CDH12: variants seen among roughly 807,000 people sequenced by gnomAD.
The protein encoded by CDH12 is cadherin-12.
In CDH12, 41 loss-of-function variants were observed where a neutral mutation model predicts 74.1. The ratio of observed to expected loss-of-function variants is 0.55; its 90% CI spans 0.43 to 0.72. The LOEUF (loss-of-function observed/expected upper bound fraction) is 0.72, where lower values mean the gene tolerates loss of function less well. Ranked by LOEUF, CDH12 falls within the 30% of genes least tolerant of loss-of-function variation. The pLI, the probability that CDH12 is intolerant of heterozygous loss-of-function variation, is 0.00. For synonymous variants in CDH12, 399 were observed against 355.0 expected (o/e 1.12, Z -1.39); for missense variants, 945 against 977.2 (o/e 0.97, Z 0.44).
At chr5:21,880,499 C>T (rs2150030393) in intron 6 of CDH12, among the ~76,000 whole-genome samples, 2 of 10,592 alleles carry the variant, frequency 1.9e-4, no homozygotes, top group Admixed American at 3.4e-3. Flanking sequence ...TCCTTCCTTC[C>T]TTCCTCCCTC....
At chr5:22,851,236 G>C (rs1379427329) in intron 1 of CDH12, among the ~76,000 whole-genome samples, 1 of 151,492 alleles carries the variant, frequency 6.6e-6, no homozygotes, top group Admixed American at 6.6e-5. Context: ...TCTCTTTTTT[G>C]TAGGAATTAT....
At chr5:22,077,139 T>G (rs1742387842) in intron 5 of CDH12, among the ~76,000 whole-genome samples, 1 of 151,886 alleles carries the variant, frequency 6.6e-6, no homozygotes, top group Non-Finnish European at 1.5e-5. Flanking sequence ...ATGGGCTGAT[T>G]TGATTTGGGG....
Position 22,641,767 on chromosome 5 carries a change from T to C in CDH12, c.-522-136403A>G, listed in dbSNP as rs200258011. ...AGTGGCTTATACTAAAAAGATATCT[T>C]AAAATTTTTATGTTTATTTCCTCAC... On this transcript the variant is annotated intron_variant, in intron 1 of 14. Coordinates refer to ENST00000382254, the MANE Select transcript of CDH12 (RefSeq NM_004061.5). Among the ~76,000 whole-genome samples the C allele has an allele frequency of 7.2e-5, 11 of 152,312 alleles. No homozygotes were observed. In the East Asian group the frequency reaches 1.7e-3, roughly 24 times the overall value.
intron 6 of CDH12, among the ~76,000 whole-genome samples, chr5:21,870,943 G>T (rs1751585131): frequency 6.6e-6 from 1 of 152,072 alleles, no homozygotes; most frequent in Non-Finnish European, 1.5e-5. Context: ...TGTTGCTCAG[G>T]CTGGTTTCAC....
intron 3 of CDH12, among the ~76,000 whole-genome samples, chr5:22,307,872 A>ATTT (rs1738181125): frequency 2.7e-4 from 13 of 48,856 alleles, no homozygotes; most frequent in South Asian, 7.1e-4. Flanking sequence ...GCTTTCTTTT[A>ATTT]GTTTTTTTTT....
chr5:22,671,818 T>C (rs1409594924), intron 1 of CDH12, among the ~76,000 whole-genome samples: 1 of 151,520 alleles, frequency 6.6e-6, no homozygotes, highest in Non-Finnish European at 1.5e-5. Flanking sequence ...TAGGCAACTA[T>C]TACACAACTT....
At chr5:21,999,031 G>A (rs1736454063) in intron 5 of CDH12, among the ~76,000 whole-genome samples, 1 of 152,130 alleles carries the variant, frequency 6.6e-6, no homozygotes, top group African/African-American at 2.4e-5. Context: ...AGTGCTTAGA[G>A]GTGAAGTGCT....
At chr5:21,784,765 A>G (rs997366938) in intron 10 of CDH12, among the ~76,000 whole-genome samples, 1 of 152,162 alleles carries the variant, frequency 6.6e-6, no homozygotes, top group Non-Finnish European at 1.5e-5. Context: ...TCTCAACATA[A>G]AAAACTATTT....
rs531879748 is a variant in CDH12 at position 22,496,397 on chromosome 5, T to C, written c.-428+8873A>G. Among the ~76,000 whole-genome samples the C allele has an allele frequency of 3.3e-5, 5 of 152,334 alleles. No individual in the cohort carries two copies. The South Asian group carries it at 8.3e-4, about 25-fold the overall frequency. On this transcript the variant is annotated intron_variant, in intron 2 of 14. Transcript: ENST00000382254. ...GGAAAATGTTGCAACATAATGTAGA[T>C]GGATTTTGATCTATGTCACTTTGTT... is the stretch of plus-strand genomic sequence containing the variant.
intron 1 of CDH12, among the ~76,000 whole-genome samples, chr5:22,624,701 CA>C (rs1738175934): frequency 6.6e-6 from 1 of 152,208 alleles, no homozygotes; most frequent in South Asian, 2.1e-4. Flanking sequence ...AACACTTTTA[CA>C]CAGTTGGTGG....
intron 1 of CDH12, among the ~76,000 whole-genome samples, chr5:22,648,184 CA>C (rs754458425): frequency 3.3e-5 from 5 of 151,826 alleles, no homozygotes; most frequent in Non-Finnish European, 7.4e-5. Flanking sequence ...ACTCCCTCCA[CA>C]AGCGTTGGCA....
intron 3 of CDH12, among the ~76,000 whole-genome samples, chr5:22,262,122 CTT>C (rs200803016): frequency 2.1e-5 from 3 of 145,762 alleles, no homozygotes; most frequent in African/African-American, 5.0e-5. Context: ...TACACTATTT[CTT>C]TTTTTTTTTA....
At chr5:22,336,924 G>A (rs192533416) in intron 3 of CDH12, among the ~76,000 whole-genome samples, 1 of 152,280 alleles carries the variant, frequency 6.6e-6, no homozygotes, top group African/African-American at 2.4e-5. Flanking sequence ...TGGAAACACT[G>A]CAGATACTCA....
chr5:21,883,951 T>G, intron 6 of CDH12: 3 of 1,607,616 alleles, frequency 1.9e-6, no homozygotes, highest in Non-Finnish European at 2.6e-6. Flanking sequence ...TTGGACTCAT[T>G]GACTCCAGCT....
intron 4 of CDH12, among the ~76,000 whole-genome samples, chr5:22,117,869 A>G (rs143470667): frequency 5.3e-4 from 81 of 152,062 alleles, no homozygotes; most frequent in African/African-American, 1.9e-3. Context: ...TTTCCTTTAG[A>G]GTAGACTTAA....
intron 1 of CDH12, among the ~76,000 whole-genome samples, chr5:22,766,361 T>C (rs574438260): frequency 6.6e-6 from 1 of 152,078 alleles, no homozygotes; most frequent in South Asian, 2.1e-4. Context: ...AACAATAGAA[T>C]GGATAAATAA....
chr5:21,879,946 G>A (rs761158905), intron 6 of CDH12, among the ~76,000 whole-genome samples: 1 of 152,190 alleles, frequency 6.6e-6, no homozygotes, highest in Non-Finnish European at 1.5e-5. Flanking sequence ...TGGCAGTTTT[G>A]CCTGGTACAA....
chr5:22,506,879 T>G (rs2126665178), intron 1 of CDH12, among the ~76,000 whole-genome samples: 1 of 152,292 alleles, frequency 6.6e-6, no homozygotes, highest in East Asian at 1.9e-4. Flanking sequence ...GCTGATACCT[T>G]CAACTTCCTT....
intron 4 of CDH12, among the ~76,000 whole-genome samples, chr5:22,120,851 A>G (rs1344271048): frequency 2.0e-5 from 3 of 152,186 alleles, no homozygotes; most frequent in Non-Finnish European, 4.4e-5. Flanking sequence ...TCAAATGTAC[A>G]GGTTTTTTAA....
Sources: gnomAD v4.1 joint callset for allele counts (sites outside exome capture counted in the v4.1 genomes callset) on GRCh38, gnomAD v4.1.1 for gene constraint, MANE v1.5 for transcripts, NCBI Gene and HGNC (gene_info 2026-07-23, HGNC 2026-07-21) for gene names.